KIAA0586: variants seen among roughly 807,000 people sequenced by gnomAD.
KIAA0586 encodes the protein protein TALPID3.
In KIAA0586, 144 loss-of-function variants were observed where a neutral mutation model predicts 169.8. The observed-to-expected ratio is 0.85, with a 90% CI of 0.74 to 0.97. The LOEUF (loss-of-function observed/expected upper bound fraction) is 0.97, where lower values mean the gene tolerates loss of function less well. Ranked by LOEUF, KIAA0586 falls within the 50% of genes least tolerant of loss-of-function variation. The probability of loss-of-function intolerance (pLI) is 0.00; values close to 1 mark genes in which losing one functional copy is unlikely to be tolerated. For synonymous variants in KIAA0586, 625 were observed against 612.4 expected, an observed-to-expected ratio of 1.02 and a Z score of -0.30; for missense variants, 1,854 against 1,823.0, an observed-to-expected ratio of 1.02 and a Z score of -0.31.
In KIAA0586 at chr14:58,459,902, C is replaced by G; in HGVS notation, c.1716C>G (p.Thr572=). ...QKRFDQKNQR[T]KKGQNMTKDI... is the part of the protein sequence containing the mutation. ...GATTTGATCAGAAGAATCAGAGAAC[C>G]AAGAAAGGTCAGAATATGACTAAAG... Residue 572 remains threonine, a synonymous_variant, in exon 13 of 31, where the codon ACC becomes ACG. Coordinates refer to ENST00000652326, the MANE Select transcript of KIAA0586 (RefSeq NM_001329943.3). 6.5e-7 allele frequency: 1 copy of G among 1,533,372 alleles called. No individual in the cohort carries two copies. The highest frequency in any genetic ancestry group is 8.7e-7 in the Non-Finnish European group (1 of 1,145,448). 95.0% of individuals were successfully genotyped at this position (1,533,372 alleles called of 1,614,324 possible).
intron 29 of KIAA0586, among the ~76,000 whole-genome samples, chr14:58,537,808 C>T (rs528067463): frequency 3.9e-4 from 59 of 152,078 alleles, no homozygotes; most frequent in East Asian, 1.2e-3. Flanking sequence ...CCACCACGCC[C>T]GGCTAATTTT....
chr14:58,457,226 A>G (rs772935529), intron 10 of KIAA0586, among the ~76,000 whole-genome samples: 19 of 152,144 alleles, frequency 1.2e-4, no homozygotes, highest in Non-Finnish European at 2.6e-4. Context: ...TAGCACTGCT[A>G]TGGATTTCTC....
rs746898898 is a variant in KIAA0586 at position 58,456,995 on chromosome 14, C to T, written c.1362+185C>T. 3.9e-5 allele frequency among the ~76,000 whole-genome samples: 6 copies of T among 152,174 alleles called. 1 individual carries two copies. The highest frequency in any genetic ancestry group is 2.6e-4 in the Admixed American group (4 of 15,268). On this transcript the variant is annotated intron_variant, in intron 10 of 30. Transcript: ENST00000652326. ...CCTTCACCAAGTGATTTCTACTTAT[C>T]GCTCCTTGACCAGGACTGAGCCATA...
intron 14 of KIAA0586, chr14:58,463,886 G>A (rs184633108): frequency 1.3e-5 from 4 of 303,624 alleles, no homozygotes; most frequent in Middle Eastern, 8.9e-4. Flanking sequence ...CACATGTGAA[G>A]TGGAAGTGTA....
chr14:58,456,656 C>G (rs1416084263), intron 9 of KIAA0586, 46 bp from the exon 10 acceptor site: 1 of 1,124,704 alleles, frequency 8.9e-7, no homozygotes, highest in Admixed American at 2.3e-5. Context: ...ATTTAGGAAA[C>G]TTTTTCAAAA....
intron 7 of KIAA0586, 57 bp downstream of exon 7, chr14:58,448,550 C>T: frequency 8.0e-7 from 1 of 1,255,410 alleles, no homozygotes; most frequent in Non-Finnish European, 1.1e-6. Context: ...TTTCTTTGTG[C>T]TACATAAGCT....
intron 26 of KIAA0586, among the ~76,000 whole-genome samples, chr14:58,494,354 A>G (rs1410051822): frequency 6.9e-6 from 1 of 144,150 alleles, no homozygotes; most frequent in Non-Finnish European, 1.5e-5. Context: ...TTGCATTTTA[A>G]TATCTTTTCT....
At position 58,472,267 on chromosome 14, in the gene KIAA0586, C is replaced by T. The variant is rs762893737; in HGVS notation, c.2622C>T (p.Ile874=). 2.6e-6 allele frequency: 4 copies of T among 1,551,132 alleles called. No homozygotes were observed. Among genetic ancestry groups the T allele is most frequent in the East Asian group, 2.4e-5 (1 of 42,332 alleles). Residue 874 remains isoleucine, a synonymous_variant, in exon 18 of 31, where the codon ATC becomes ATT. Transcript: ENST00000652326. The stretch of plus-strand genomic sequence containing the variant: ...CAGGAACTAACTTTGATGAAATAAT[C>T]GATGTCATACAGGTAACAAAGCTTA... ...KFPGTNFDEI[I]DVIQEEEKCD... is the part of the protein sequence containing the mutation.
intron 7 of KIAA0586, 74 bp downstream of exon 7, chr14:58,448,567 A>G (rs563579216): frequency 1.1e-5 from 12 of 1,085,828 alleles, no homozygotes; most frequent in Admixed American, 1.1e-4. Context: ...AGCTGAAAAC[A>G]TATTTCCTGA....
chr14:58,448,547 G>A lies in KIAA0586; in HGVS notation c.961+54G>A, dbSNP rs183486201. The stretch of plus-strand genomic sequence containing the variant: ...AAAATGTCAGCTGTGAATTTTCTTT[G>A]TGCTACATAAGCTGAAAACATATTT... On this transcript the variant is annotated intron_variant, in intron 7 of 30. Coordinates refer to ENST00000652326, the MANE Select transcript of KIAA0586 (RefSeq NM_001329943.3). 2.0e-3 allele frequency: 2,626 copies of A among 1,335,882 alleles called. 8 individuals carry two copies. Among genetic ancestry groups the A allele is most frequent in the Non-Finnish European group, 2.5e-3 (2,364 of 960,626 alleles). 82.8% of individuals were successfully genotyped at this position (1,335,882 alleles called of 1,614,324 possible). A position where few individuals can be genotyped will look rare whatever the true frequency, so the allele number is the denominator to read the frequency against.
At chr14:58,493,742 A>G (rs2042972204) in intron 26 of KIAA0586, among the ~76,000 whole-genome samples, 1 of 152,230 alleles carries the variant, frequency 6.6e-6, no homozygotes, top group African/African-American at 2.4e-5. Context: ...CTTAGTTGTG[A>G]TATCTGTGTT....
intron 16 of KIAA0586, 74 bp from the exon 17 acceptor site, chr14:58,470,539 G>T: frequency 1.2e-6 from 1 of 845,452 alleles, no homozygotes. Flanking sequence ...ACATATACAT[G>T]TATATACACA....
chr14:58,545,304 A>G (rs1222576626), intron 30 of KIAA0586, among the ~76,000 whole-genome samples: 3 of 152,230 alleles, frequency 2.0e-5, no homozygotes, highest in Non-Finnish European at 4.4e-5. Flanking sequence ...TGAATTCAGT[A>G]TGTTCCTTGA....
intron 4 of KIAA0586, among the ~76,000 whole-genome samples, chr14:58,439,122 T>C (rs2038074495): frequency 1.3e-5 from 2 of 152,198 alleles, no homozygotes; most frequent in African/African-American, 4.8e-5. Flanking sequence ...ACTCTACCAC[T>C]TAATAAATAG....
At chr14:58,498,679 C>T (rs2043336733) in intron 26 of KIAA0586, 104 bp from the exon 27 acceptor site, 1 of 957,910 alleles carries the variant, frequency 1.0e-6, no homozygotes, top group Admixed American at 3.4e-5. Flanking sequence ...TGTAAAATAC[C>T]TTCCAAGGAG....
chr14:58,465,639 C>T, intron 14 of KIAA0586, among the ~76,000 whole-genome samples, 196 bp from the exon 15 acceptor site: 1 of 152,266 alleles, frequency 6.6e-6, no homozygotes, highest in South Asian at 2.1e-4. Flanking sequence ...GATCACGTGG[C>T]CTGCCAGACA....
chr14:58,539,692 T>C (rs2046517460), intron 29 of KIAA0586, among the ~76,000 whole-genome samples: 1 of 152,142 alleles, frequency 6.6e-6, no homozygotes. Flanking sequence ...AGAAGGGAGA[T>C]TCTAAACCTC....
At chr14:58,495,753 A>G (rs1436580614) in intron 26 of KIAA0586, among the ~76,000 whole-genome samples, 1 of 152,078 alleles carries the variant, frequency 6.6e-6, no homozygotes, top group Non-Finnish European at 1.5e-5. Flanking sequence ...TTATTCTCCT[A>G]TTGAAGGATT....
downstream of KIAA0586, among the ~76,000 whole-genome samples, chr14:58,552,169 C>T (rs1391189218): frequency 2.0e-5 from 3 of 152,158 alleles, no homozygotes; most frequent in Admixed American, 6.5e-5. Context: ...TTTTTGAAGA[C>T]TCTATTAGAA....
Sources: gnomAD v4.1 joint callset for allele counts (sites outside exome capture counted in the v4.1 genomes callset) on GRCh38, gnomAD v4.1.1 for gene constraint, MANE v1.5 for transcripts, NCBI Gene and HGNC (gene_info 2026-07-23, HGNC 2026-07-21) for gene names.